Variants in MIB1 observed in about 807,000 individuals in gnomAD.
MIB1 encodes the protein MIB E3 ubiquitin protein ligase 1, also known as E3 ubiquitin-protein ligase MIB1.
MIB1 carries 278 observed loss-of-function variants against 124.5 expected under a neutral mutation model. The ratio of observed to expected loss-of-function variants is 2.23; its 90% confidence interval spans 2.02 to 2.47. MIB1 has a LOEUF of 2.47. MIB1 is among the 30% of genes most tolerant of loss of function. The pLI is 0.00. For missense variants in MIB1, 957 were observed against 1,254.4 expected, an observed-to-expected ratio of 0.76 and a Z score of 3.58; for synonymous variants, 446 against 429.4, an observed-to-expected ratio of 1.04 and a Z score of -0.48.
chr18:21,734,918 A>G (rs753450442), intron 1 of MIB1, among the ~76,000 whole-genome samples: 12 of 152,254 alleles, frequency 7.9e-5, no homozygotes, highest in Non-Finnish European at 1.3e-4. Context: ...ATAGGAGTTA[A>G]TTTTGGTACA....
intron 18 of MIB1, among the ~76,000 whole-genome samples, chr18:21,855,601 C>T (rs1466289517): frequency 1.3e-5 from 2 of 152,218 alleles, no homozygotes; most frequent in African/African-American, 2.4e-5. Flanking sequence ...AACCGAGCGT[C>T]AGACCCATTT....
At position 21,819,626 on chromosome 18, in the gene MIB1, T is replaced by C. The variant is rs757992805; in HGVS notation, c.1809T>C (p.Ala603=). 1 of 1,579,608 alleles carries C rather than the reference T, an allele frequency of 6.3e-7. No individual in the cohort carries two copies. The highest frequency in any genetic ancestry group is 1.4e-5 in the African/African-American group (1 of 73,952). ...NNNGFNALHH[A]ALRGNPSAMR... is the part of the protein sequence containing the mutation. The stretch of plus-strand genomic sequence containing the variant: ...ATGGATTTAATGCTCTGCATCATGC[T>C]GCACTAAGGGGAAATCCCAGGTATG... Residue 603 remains alanine (A), a synonymous_variant, in exon 12 of 21, where the codon GCT becomes GCC. Coordinates refer to ENST00000261537, the MANE Select transcript of MIB1 (RefSeq NM_020774.4).
rs746902982 is a variant in MIB1, at chr18:21,844,200, GAT to G, written c.2161_2162del (p.Met721AlafsTer44). 1.9e-6 allele frequency: 3 copies of G among 1,614,026 alleles called. No homozygotes were observed. In the African/African-American group the frequency reaches 4.0e-5, roughly 22 times the overall value. ...HTLSQLRQLQ[D>X]MQDVGKVDAA... ...TTTGTCTCAGCTACGTCAGCTCCAA[GAT>G]ATGCAAGATGTGGGGAAGGTGGATG... On this transcript the variant is annotated frameshift_variant, in exon 15 of 21. Transcript: ENST00000261537. LOFTEE classifies it high-confidence loss of function.
intron 1 of MIB1, among the ~76,000 whole-genome samples, chr18:21,757,856 C>T (rs999082573): frequency 2.0e-5 from 3 of 152,058 alleles, no homozygotes; most frequent in African/African-American, 7.2e-5. Context: ...AACTTATACT[C>T]TAAATCCAGT....
rs1021694690 is a variant in MIB1, at chr18:21,865,758, A to C, written c.*1092A>C. 1 of 152,634 alleles carries C rather than the reference A, an allele frequency of 6.6e-6. No individual in the cohort carries two copies. The highest frequency in any genetic ancestry group is 1.5e-5 in the Non-Finnish European group (1 of 68,026). The allele number at this position is 152,634 out of a possible 1,614,324, so 9.5% of individuals were successfully genotyped here. A position where few individuals can be genotyped will look rare whatever the true frequency, so the allele number is the denominator to read the frequency against. On this transcript the variant is annotated 3_prime_UTR_variant, in exon 21 of 21. Coordinates refer to ENST00000261537, the MANE Select transcript of MIB1 (RefSeq NM_020774.4). ...TTCTTTATAGTATTTTTTGTTATAA[A>C]GAAAACAGTCTTTCTGTGTATACCT...
At chr18:21,726,943 A>G (rs978058897) in intron 1 of MIB1, among the ~76,000 whole-genome samples, 5 of 151,940 alleles carry the variant, frequency 3.3e-5, no homozygotes, top group Non-Finnish European at 7.4e-5. Context: ...GCAGTGGGGG[A>G]AGTTCTGGGG....
intron 15 of MIB1, among the ~76,000 whole-genome samples, chr18:21,844,680 C>G (rs902468048): frequency 6.6e-6 from 1 of 152,204 alleles, no homozygotes; most frequent in Non-Finnish European, 1.5e-5. Flanking sequence ...CCACCCGCCT[C>G]GGTCTCCCAC....
intron 2 of MIB1, among the ~76,000 whole-genome samples, chr18:21,766,385 T>G (rs1370703734): frequency 6.9e-6 from 1 of 144,850 alleles, no homozygotes; most frequent in Non-Finnish European, 1.5e-5. Flanking sequence ...CATAGTATTC[T>G]TAAGGAGTTT....
At chr18:21,745,495 G>A (rs1051115564) in intron 1 of MIB1, among the ~76,000 whole-genome samples, 1 of 151,974 alleles carries the variant, frequency 6.6e-6, no homozygotes, top group Non-Finnish European at 1.5e-5. Flanking sequence ...TTAGGGATAT[G>A]TACATGCGTG....
intron 19 of MIB1, among the ~76,000 whole-genome samples, chr18:21,858,299 A>G (rs1245431347): frequency 1.3e-5 from 2 of 152,298 alleles, no homozygotes; most frequent in East Asian, 1.9e-4. Flanking sequence ...CTGTGTCTGG[A>G]TTGTGCTCTG....
At chr18:21,747,569 T>C (rs1160131407) in intron 1 of MIB1, among the ~76,000 whole-genome samples, 1 of 152,234 alleles carries the variant, frequency 6.6e-6, no homozygotes, top group African/African-American at 2.4e-5. Flanking sequence ...CTTGATTGTT[T>C]GTTGGTAATA....
At chr18:21,854,011 T>TAAAAAA (rs772734430) in intron 18 of MIB1, among the ~76,000 whole-genome samples, 1 of 42,344 alleles carries the variant, frequency 2.4e-5, no homozygotes, top group Non-Finnish European at 4.4e-5. Context: ...AGACTCAGTC[T>TAAAAAA]TAAAAAAAAA....
chr18:21,769,749 A>G (rs2041204547), intron 3 of MIB1, among the ~76,000 whole-genome samples: 1 of 152,172 alleles, frequency 6.6e-6, no homozygotes. Context: ...ATCTTTCCTC[A>G]TCAGCTTTTG....
intron 1 of MIB1, among the ~76,000 whole-genome samples, chr18:21,724,562 G>A (rs1407560472): frequency 4.0e-5 from 6 of 149,782 alleles, no homozygotes; most frequent in Admixed American, 6.7e-5. Context: ...AAAATTAGCC[G>A]GGCGTGGTGG....
At chr18:21,763,496 A>AT (rs1200816531) in intron 1 of MIB1, among the ~76,000 whole-genome samples, 9 of 151,574 alleles carry the variant, frequency 5.9e-5, no homozygotes, top group South Asian at 2.1e-4. Context: ...ACTTTTCCTG[A>AT]TTTTTTTTCC....
chr18:21,791,225 A>G (rs1043786370), intron 6 of MIB1, 149 bp from the exon 7 acceptor site: 2 of 549,056 alleles, frequency 3.6e-6, no homozygotes, highest in East Asian at 3.2e-5. Context: ...GTATCAATAT[A>G]TATGTATTTG....
Position 21,853,151 on chromosome 18 carries a change from T to A in MIB1, c.2598T>A (p.Cys866Ter). 1 of 1,612,238 alleles carries A rather than the reference T, an allele frequency of 6.2e-7. No individual in the cohort carries two copies. The change falls in exon 18 of 21, where the codon TGT (cysteine) becomes TGA (stop). Residue 866 changes from cysteine (C) to a stop codon, truncating the protein, a stop_gained. Coordinates refer to ENST00000261537, the MANE Select transcript of MIB1 (RefSeq NM_020774.4). LOFTEE classifies it high-confidence loss of function. ...QVQSRTKIEECVVCSDKKAAV... is the reference protein window; with the variant it reads ...QVQSRTKIEE Reference sequence around the variant, plus strand: ...CTCTTTTTCTATAGATTGAAGAATGTGTGGTATGCTCTGACAAGAAAGCAG... The same window carrying A: ...CTCTTTTTCTATAGATTGAAGAATGAGTGGTATGCTCTGACAAGAAAGCAG...
rs2042323456 is a variant in MIB1 at position 21,866,623 on chromosome 18, T to G, written c.*1957T>G. On this transcript the variant is annotated 3_prime_UTR_variant, in exon 21 of 21. Coordinates refer to ENST00000261537, the MANE Select transcript of MIB1 (RefSeq NM_020774.4). ...TGCAGAGTTTGGCCAATCAGAGAAT[T>G]GTGTGGTCTCCAGCTCTACTTTCCT... 1 of 152,132 alleles carries G rather than the reference T, an allele frequency of 6.6e-6. No individual in the cohort carries two copies. Among genetic ancestry groups the G allele is most frequent in the South Asian group, 2.1e-4 (1 of 4,824 alleles). The allele number at this position is 152,132 out of a possible 1,614,324, so 9.4% of individuals were successfully genotyped here.
At chr18:21,774,898 A>G (rs2041263394) in intron 4 of MIB1, among the ~76,000 whole-genome samples, 1 of 150,330 alleles carries the variant, frequency 6.7e-6, no homozygotes, top group Non-Finnish European at 1.5e-5. Flanking sequence ...AAAGTATCCC[A>G]GTGTCCCCTT....
Sources: gnomAD v4.1 joint callset for allele counts (sites outside exome capture counted in the v4.1 genomes callset) on GRCh38, gnomAD v4.1.1 for gene constraint, MANE v1.5 for transcripts, NCBI Gene and HGNC (gene_info 2026-07-23, HGNC 2026-07-21) for gene names.